The following GRID2 variants were observed in gnomAD, a reference collection of about 807,000 sequenced individuals.
GRID2 encodes glutamate ionotropic receptor delta type subunit 2.
Under a neutral mutation model 114.8 loss-of-function variants are expected in GRID2, and 33 were observed. The observed-to-expected ratio is 0.29, with a 90% CI of 0.22 to 0.38. The LOEUF is 0.38. Ranked by LOEUF, GRID2 falls within the 10% of genes least tolerant of loss-of-function variation. The pLI, the probability that GRID2 is intolerant of heterozygous loss-of-function variation, is 1.00. For missense variants in GRID2, 1,184 were observed against 1,257.7 expected, an observed-to-expected ratio of 0.94 and a Z score of 0.89; for synonymous variants, 505 against 449.9, an observed-to-expected ratio of 1.12 and a Z score of -1.55.
chr4:93,615,478 C>G, intron 13 of GRID2, among the ~76,000 whole-genome samples: 1 of 152,052 alleles, frequency 6.6e-6, no homozygotes, highest in East Asian at 1.9e-4. Context: ...GATTTATAAT[C>G]CTTTGGGTAT....
chr4:92,937,560 T>C (rs1401531723), intron 2 of GRID2, among the ~76,000 whole-genome samples: 1 of 146,562 alleles, frequency 6.8e-6, no homozygotes, highest in Non-Finnish European at 1.5e-5. Context: ...ATGCCAATGA[T>C]CCATATATTT....
chr4:93,653,174 A>C (rs1722736138), intron 14 of GRID2, among the ~76,000 whole-genome samples: 1 of 151,916 alleles, frequency 6.6e-6, no homozygotes, highest in Non-Finnish European at 1.5e-5. Flanking sequence ...TGGGGGGAAA[A>C]AGTTTGGAAA....
chr4:93,725,155 C>T (rs922914596), intron 14 of GRID2, among the ~76,000 whole-genome samples: 1 of 152,010 alleles, frequency 6.6e-6, no homozygotes, highest in African/African-American at 2.4e-5. Flanking sequence ...AACAACAGTC[C>T]CTGGTGTGTG....
chr4:93,128,819 C>G (rs992528002), intron 4 of GRID2, among the ~76,000 whole-genome samples: 2 of 152,136 alleles, frequency 1.3e-5, no homozygotes, highest in Non-Finnish European at 2.9e-5. Flanking sequence ...CAAAAAAATT[C>G]ACAAATTTTC....
chr4:93,727,298 G>T (rs1730009510), intron 14 of GRID2, among the ~76,000 whole-genome samples: 1 of 151,952 alleles, frequency 6.6e-6, no homozygotes, highest in African/African-American at 2.4e-5. Context: ...TTATTGATTT[G>T]CGTATGTTGA....
At chr4:92,866,721 T>C (rs955154604) in intron 2 of GRID2, among the ~76,000 whole-genome samples, 2 of 151,886 alleles carry the variant, frequency 1.3e-5, no homozygotes, top group African/African-American at 4.8e-5. Flanking sequence ...TTTTTTTTTT[T>C]TTTGTACTTT....
intron 2 of GRID2, chr4:92,838,949 A>G (rs1311581329): frequency 2.0e-5 from 3 of 152,158 alleles, no homozygotes; most frequent in African/African-American, 4.8e-5. Context: ...TGTGAGTTCT[A>G]TAGTTGCCAC....
chr4:93,295,155 A>G (rs1460386446), intron 8 of GRID2, among the ~76,000 whole-genome samples: 2 of 152,176 alleles, frequency 1.3e-5, no homozygotes, highest in Non-Finnish European at 2.9e-5. Context: ...ATAAAATGAA[A>G]GTTTAGGGAA....
chr4:93,244,549 A>G (rs1422663624), intron 8 of GRID2, among the ~76,000 whole-genome samples: 1 of 30,240 alleles, frequency 3.3e-5, no homozygotes, highest in Non-Finnish European at 7.0e-5. Flanking sequence ...ATTAATTAAT[A>G]GATTATATAA....
intron 14 of GRID2, among the ~76,000 whole-genome samples, chr4:93,765,008 T>A (rs971947908): frequency 2.0e-5 from 3 of 152,170 alleles, no homozygotes; most frequent in African/African-American, 7.2e-5. Flanking sequence ...ATTCTTTAGA[T>A]TTTCAAGTTC....
intron 4 of GRID2, among the ~76,000 whole-genome samples, chr4:93,197,148 T>C (rs1248678785): frequency 6.6e-6 from 1 of 152,182 alleles, no homozygotes; most frequent in Non-Finnish European, 1.5e-5. Flanking sequence ...CAGTGGAGTA[T>C]AAATAAATAA....
chr4:93,066,679 C>G (rs1269496156), intron 2 of GRID2, among the ~76,000 whole-genome samples: 1 of 151,778 alleles, frequency 6.6e-6, no homozygotes, highest in African/African-American at 2.4e-5. Context: ...TTTTTCTTAT[C>G]ATAGATCTTA....
chr4:93,270,441 T>A (rs892590407), intron 8 of GRID2, among the ~76,000 whole-genome samples: 1 of 152,122 alleles, frequency 6.6e-6, no homozygotes, highest in Admixed American at 6.6e-5. Flanking sequence ...ATCAAGAACA[T>A]AAGTCTGCCA....
chr4:92,507,525 C>G (rs150089066), intron 1 of GRID2, among the ~76,000 whole-genome samples: 65 of 151,430 alleles, frequency 4.3e-4, no homozygotes, highest in African/African-American at 1.5e-3. Context: ...TCCTCATAAC[C>G]CCTATGTAGT....
intron 2 of GRID2, among the ~76,000 whole-genome samples, chr4:92,852,130 GAGATGAACACTTGTGTTTTCTCTGTA>G (rs1399640533): frequency 6.6e-6 from 1 of 151,956 alleles, no homozygotes; most frequent in Non-Finnish European, 1.5e-5. Context: ...TCTCGGGTAA[GAGATGAACACTTGTGTTTTCTCTGTA>G]TGTGGAGGGG....
In GRID2 at chr4:93,113,738, T is replaced by C. The variant is rs117201085; in HGVS notation, c.735+2785T>C. On this transcript the variant is annotated intron_variant, in intron 4 of 15. Transcript: ENST00000282020. ...CATGTCTGGTTGTAGAGGTAAAGTA[T>C]ACAGTCATGAAATGTTGAGGAAGGA... Among the ~76,000 whole-genome samples, 554 of 152,296 alleles carry C rather than the reference T, an allele frequency of 3.6e-3. 18 individuals are homozygous for C. In the East Asian group the frequency reaches 0.058, roughly 16 times the overall value.
In GRID2 at chr4:93,573,956, C is replaced by T. The variant is rs1408765883; in HGVS notation, c.2194-52313C>T. ...TGTAAAACAGGAAATTATTTCAGCACTGTTGTAAGAATTAGAGAAATCATG... is the reference window on the plus strand; with the variant it reads ...TGTAAAACAGGAAATTATTTCAGCATTGTTGTAAGAATTAGAGAAATCATG... On this transcript the variant is annotated intron_variant, in intron 13 of 15. Transcript: ENST00000282020. 2.0e-5 allele frequency among the ~76,000 whole-genome samples: 3 copies of T among 152,158 alleles called. No homozygotes were observed. In the East Asian group the frequency reaches 5.8e-4, roughly 29 times the overall value.
chr4:92,935,293 A>G (rs1466617530), intron 2 of GRID2, among the ~76,000 whole-genome samples: 3 of 147,514 alleles, frequency 2.0e-5, no homozygotes, highest in Non-Finnish European at 3.0e-5. Context: ...AAGGCTCACT[A>G]TCACTGGCCA....
chr4:92,646,174 T>C (rs1294063144), intron 2 of GRID2, among the ~76,000 whole-genome samples: 1 of 152,052 alleles, frequency 6.6e-6, no homozygotes, highest in Non-Finnish European at 1.5e-5. Context: ...AACTTGCAGT[T>C]CATCTATAAT....
Sources: gnomAD v4.1 joint callset for allele counts (sites outside exome capture counted in the v4.1 genomes callset) on GRCh38, gnomAD v4.1.1 for gene constraint, MANE v1.5 for transcripts, NCBI Gene and HGNC (gene_info 2026-07-23, HGNC 2026-07-21) for gene names.